RUFY4: variants seen among roughly 807,000 people sequenced by gnomAD.
RUFY4 encodes RUN and FYVE domain-containing protein 4.
In RUFY4, 73 loss-of-function variants were observed where a neutral mutation model predicts 69.0. The ratio of observed to expected loss-of-function variants is 1.06; its 90% CI spans 0.88 to 1.29. The LOEUF is 1.29. Ranked by LOEUF, RUFY4 falls within the 50% of genes most tolerant of loss-of-function variation. RUFY4 has a pLI of 0.00. For synonymous variants in RUFY4, 287 were observed against 271.8 expected (o/e 1.06, Z -0.55); for missense variants, 770 against 705.6 (o/e 1.09, Z -1.03).
At chr2:218,068,680 A>C (rs921609841), upstream of RUFY4, 1 of 152,658 alleles carries the variant, frequency 6.6e-6, no homozygotes, top group Non-Finnish European at 1.5e-5. Context: ...CCAGGAAGGG[A>C]AGCCCCAGCC....
At chr2:218,070,052 GA>G (rs911853178), upstream of RUFY4, among the ~76,000 whole-genome samples, 1 of 152,190 alleles carries the variant, frequency 6.6e-6, no homozygotes, top group African/African-American at 2.4e-5. Context: ...CACAGGAAAG[GA>G]TGAGTAGGTG....
At chr2:218,043,581 A>G (rs1015739860) in intron 2 of RUFY4, among the ~76,000 whole-genome samples, 8 of 152,154 alleles carry the variant, frequency 5.3e-5, no homozygotes, top group African/African-American at 1.9e-4. Context: ...CCTTTCTGCA[A>G]CTGGTCATCC....
intron 5 of RUFY4, 79 bp downstream of exon 7, chr2:218,073,465 G>A (rs1198089259): frequency 7.2e-6 from 11 of 1,533,400 alleles, no homozygotes; most frequent in Non-Finnish European, 9.7e-6. Flanking sequence ...CAAGCCCCAA[G>A]CCCTCAGCCT....
chr2:218,064,709 T>C (rs1453620507), upstream of RUFY4, among the ~76,000 whole-genome samples: 1 of 151,712 alleles, frequency 6.6e-6, no homozygotes, highest in East Asian at 1.9e-4. Context: ...TCCCCACTGG[T>C]GCCATGCTGA....
At chr2:218,039,996 G>A (rs1436550826) in intron 2 of RUFY4, among the ~76,000 whole-genome samples, 1 of 124,320 alleles carries the variant, frequency 8.0e-6, no homozygotes, top group Non-Finnish European at 1.8e-5. Flanking sequence ...TGCTCCTAGA[G>A]AGGACTCCTT....
At position 218,043,580 on chromosome 2, in the gene RUFY4, A is replaced by C. The variant is rs149613038; in HGVS notation, c.-1158+8186A>C. 1.2e-3 allele frequency among the ~76,000 whole-genome samples: 189 copies of C among 152,292 alleles called. 1 individual carries two copies. The highest frequency in any genetic ancestry group is 4.2e-3 in the African/African-American group (175 of 41,570). ...CCCAGAGAGGGTAGCTCCTTTCTGC[A>C]ACTGGTCATCCCCACATCTGCTCTT... On this transcript the variant is annotated intron_variant and NMD_transcript_variant, in intron 2 of 13. Transcript: ENST00000457754.
chr2:218,039,378 G>A (rs542378217), intron 2 of RUFY4, among the ~76,000 whole-genome samples: 1 of 152,306 alleles, frequency 6.6e-6, no homozygotes, highest in African/African-American at 2.4e-5. Flanking sequence ...ACAATGAATT[G>A]TGGTGGTGAC....
Position 218,073,235 on chromosome 2 carries a change from T to A in RUFY4, c.387-8T>A. 1 of 1,550,276 alleles carries A rather than the reference T, an allele frequency of 6.5e-7. No individual in the cohort carries two copies. The highest frequency in any genetic ancestry group is 1.2e-5 in the South Asian group (1 of 84,050). Reference sequence around the variant, plus strand: ...AAAGGCCAAGGGTTCTGATCACTGTTAACACAGGGAATGGTATGGACCCCG... The same window carrying A: ...AAAGGCCAAGGGTTCTGATCACTGTAAACACAGGGAATGGTATGGACCCCG... On this transcript the variant is annotated splice_polypyrimidine_tract_variant and splice_region_variant and intron_variant, in intron 4 of 10. Coordinates refer to ENST00000344321, the Ensembl canonical transcript of RUFY4.
At chr2:218,072,799 A>G (rs1246215716) in exon 4 of RUFY4, 2 of 1,533,244 alleles carry the variant, frequency 1.3e-6, no homozygotes, top group East Asian at 2.4e-5. Context: ...CTCTGGGGAA[A>G]GGCCGTGCCT....
chr2:218,045,836 G>C (rs986001705), intron 2 of RUFY4, among the ~76,000 whole-genome samples: 1 of 148,684 alleles, frequency 6.7e-6, no homozygotes, highest in Non-Finnish European at 1.5e-5. Flanking sequence ...GCGGAGTCTC[G>C]CTCTGTTGCC....
chr2:218,066,819 GA>G (rs1689344201), upstream of RUFY4, among the ~76,000 whole-genome samples: 1 of 152,202 alleles, frequency 6.6e-6, no homozygotes, highest in Admixed American at 6.5e-5. Flanking sequence ...CATTACATTG[GA>G]TTGTCGCGTC....
At chr2:218,044,676 T>C (rs894863943) in intron 2 of RUFY4, among the ~76,000 whole-genome samples, 1 of 152,228 alleles carries the variant, frequency 6.6e-6, no homozygotes, top group African/African-American at 2.4e-5. Context: ...CTCCCACTTA[T>C]AAGTGAGAAC....
At chr2:218,065,555 G>A (rs189744027), upstream of RUFY4, 1 of 152,560 alleles carries the variant, frequency 6.6e-6, no homozygotes, top group East Asian at 1.9e-4. Context: ...CTGGGACAAG[G>A]GATTCCCAGG....
chr2:218,052,373 C>G (rs549180757), intron 2 of RUFY4, among the ~76,000 whole-genome samples: 25 of 152,254 alleles, frequency 1.6e-4, no homozygotes, highest in African/African-American at 4.8e-4. Context: ...TTCTAAAAAC[C>G]ATGCATTCCG....
At chr2:218,064,099 C>T (rs1208677531) in intron 3 of RUFY4, among the ~76,000 whole-genome samples, 1 of 152,164 alleles carries the variant, frequency 6.6e-6, no homozygotes, top group African/African-American at 2.4e-5. Context: ...CCACCAGATT[C>T]GCTGTACTTA....
intron 2 of RUFY4, among the ~76,000 whole-genome samples, chr2:218,046,239 T>A (rs1169266921): frequency 3.3e-5 from 5 of 152,104 alleles, no homozygotes; most frequent in Non-Finnish European, 5.9e-5. Flanking sequence ...TGTAAATATA[T>A]ACTATTGTTA....
intron 3 of RUFY4, 38 bp downstream of exon 5, chr2:218,072,537 G>C (rs184384823): frequency 6.5e-7 from 1 of 1,534,008 alleles, no homozygotes; most frequent in East Asian, 2.4e-5. Flanking sequence ...TGACGGGGTG[G>C]GGGTAGACAT....
At chr2:218,053,595 C>T (rs765857259) in intron 2 of RUFY4, among the ~76,000 whole-genome samples, 5 of 152,066 alleles carry the variant, frequency 3.3e-5, no homozygotes, top group African/African-American at 7.2e-5. Flanking sequence ...CTGCAAGCTC[C>T]GCCTCCCGGA....
chr2:218,085,025 G>C (rs1242409045), intron 9 of RUFY4, among the ~76,000 whole-genome samples: 1 of 152,186 alleles, frequency 6.6e-6, no homozygotes, highest in Non-Finnish European at 1.5e-5. Flanking sequence ...TCCAGCCTGA[G>C]TGACAAGAGT....
Sources: allele counts gnomAD v4.1 joint callset (sites outside exome capture counted in the v4.1 genomes callset), GRCh38; gene constraint gnomAD v4.1.1; transcripts MANE v1.5; gene names NCBI Gene and HGNC (gene_info 2026-07-23, HGNC 2026-07-21).